The following TXK variants were observed in gnomAD, a reference collection of about 807,000 sequenced individuals.
TXK encodes tyrosine-protein kinase TXK.
Under a neutral mutation model 81.0 loss-of-function variants are expected in TXK, and 60 were observed. That is an observed-to-expected ratio of 0.74 (90% CI 0.60 to 0.92). The LOEUF is 0.92. Ranked by LOEUF, TXK falls within the 40% of genes least tolerant of loss-of-function variation. TXK has a pLI of 0.00. For synonymous variants in TXK, 203 were observed against 210.7 expected, an observed-to-expected ratio of 0.96 and a Z score of 0.32; for missense variants, 581 against 638.3, an observed-to-expected ratio of 0.91 and a Z score of 0.97.
intron 1 of TXK, among the ~76,000 whole-genome samples, chr4:48,122,654 A>G (rs1271946661): frequency 1.3e-5 from 2 of 152,198 alleles, no homozygotes; most frequent in African/African-American, 4.8e-5. Flanking sequence ...ATATCCCAAG[A>G]AGCTACAACA....
At chr4:48,110,968 C>T (rs759449909) in intron 4 of TXK, among the ~76,000 whole-genome samples, 8 of 152,180 alleles carry the variant, frequency 5.3e-5, no homozygotes, top group Non-Finnish European at 1.0e-4. Flanking sequence ...TATTCCATAG[C>T]ATAGGTATTC....
At position 48,071,589 on chromosome 4, in the gene TXK, T is replaced by C. The variant is rs907862802; in HGVS notation, c.1443A>G (p.Glu481=). The part of the protein sequence containing the change: ...SNLQVVEAIS[E]GFRLYRPHLA... ...GGTGAGGGCGATATAGCCTGAAGCC[T>C]TCAGAAATAGCTTCCACGACTTGCA... The change falls in exon 14 of 15, where the codon GAA becomes GAG. Residue 481 remains glutamate, a synonymous_variant. Coordinates refer to ENST00000264316, the MANE Select transcript of TXK (RefSeq NM_003328.3). 5.6e-6 allele frequency: 9 copies of C among 1,614,212 alleles called. No individual in the cohort carries two copies. The highest frequency in any genetic ancestry group is 7.6e-6 in the Non-Finnish European group (9 of 1,180,038).
At chr4:48,070,893 C>CTTTTTTTT (rs11309334) in intron 14 of TXK, among the ~76,000 whole-genome samples, 3 of 84,336 alleles carry the variant, frequency 3.6e-5, no homozygotes, top group African/African-American at 5.2e-5. Flanking sequence ...TCATTTAATT[C>CTTTTTTTT]TTTTTTTTTT....
chr4:48,127,951 C>T (rs998901532), intron 1 of TXK, among the ~76,000 whole-genome samples: 2 of 152,278 alleles, frequency 1.3e-5, no homozygotes, highest in Middle Eastern at 3.4e-3. Context: ...AGGTTTCCAC[C>T]AGGGGGCACT....
At chr4:48,102,657 T>C (rs888154227) in intron 6 of TXK, among the ~76,000 whole-genome samples, 7 of 152,240 alleles carry the variant, frequency 4.6e-5, no homozygotes, top group Admixed American at 3.9e-4. Context: ...ATGACATTTA[T>C]AAGAAAATTC....
chr4:48,080,210 T>C (rs531126151), intron 10 of TXK, 82 bp from the exon 11 acceptor site: 16 of 1,038,204 alleles, frequency 1.5e-5, no homozygotes, highest in Non-Finnish European at 2.2e-5. Context: ...GTATTTACCA[T>C]CTATTTATCA....
chr4:48,086,449 G>T lies in TXK; in HGVS notation c.956+17C>A. 6.2e-7 allele frequency: 1 copy of T among 1,612,996 alleles called. No homozygotes were observed. Among genetic ancestry groups the T allele is most frequent in the Non-Finnish European group, 8.5e-7 (1 of 1,179,144 alleles). The stretch of plus-strand genomic sequence containing the variant: ...AGGGCATGGTATGATATTTATCAGG[G>T]TGTTGTTTATACGTACATCATCACT... On this transcript the variant is annotated intron_variant, in intron 10 of 14. Transcript: ENST00000264316.
Position 48,081,715 on chromosome 4 carries a change from T to C in TXK, c.957-1587A>G, listed in dbSNP as rs6817839. Among the ~76,000 whole-genome samples, 945 of 152,254 alleles carry C rather than the reference T, an allele frequency of 6.2e-3. 11 individuals carry two copies. Among genetic ancestry groups the C allele is most frequent in the African/African-American group, 0.021 (884 of 41,554 alleles). ...TTAATACCCTCCACTCTGACCTTTT[T>C]CCTGAACCCCAGACTCATATATTTA... On this transcript the variant is annotated intron_variant, in intron 10 of 14. Coordinates refer to ENST00000264316, the MANE Select transcript of TXK (RefSeq NM_003328.3).
intron 1 of TXK, among the ~76,000 whole-genome samples, chr4:48,125,204 T>C (rs1174123896): frequency 6.6e-6 from 1 of 152,218 alleles, no homozygotes. Flanking sequence ...CCAGAGTCCA[T>C]GAGCATCACA....
rs777652719 is a variant in TXK at position 48,114,333 on chromosome 4, C to T, written c.71+15G>A. 1.1e-5 allele frequency: 17 copies of T among 1,613,424 alleles called. No individual in the cohort carries two copies. The South Asian group carries it at 1.3e-4, about 13-fold the overall frequency. On this transcript the variant is annotated intron_variant, in intron 2 of 14. Transcript: ENST00000264316. ...TAATTAATTTTCAAGAAATTGCCCTCGGAAGTAGACTTACCGCTTCTGCAC... is the reference window on the plus strand; with the variant it reads ...TAATTAATTTTCAAGAAATTGCCCTTGGAAGTAGACTTACCGCTTCTGCAC...
In TXK at chr4:48,112,485, T is replaced by C; in HGVS notation, c.202A>G (p.Lys68Glu). ...QSNTGRVQPS[K>E]RKPLPPLPPS... ...GGGAGGGGAGGCAGTGGCTTTCGTT[T>C]TGACGGCTGCACACGGCCCGTGTTG... The change falls in exon 4 of 15, where the codon AAA becomes GAA. Residue 68 changes from lysine (K) to glutamate (E), a missense_variant. By Grantham distance (56) the Lys-to-Glu change is moderately conservative. Coordinates refer to ENST00000264316, the MANE Select transcript of TXK (RefSeq NM_003328.3). 6.2e-7 allele frequency: 1 copy of C among 1,614,106 alleles called. No homozygotes were observed. Among genetic ancestry groups the C allele is most frequent in the Non-Finnish European group, 8.5e-7 (1 of 1,179,988 alleles).
intron 13 of TXK, among the ~76,000 whole-genome samples, chr4:48,072,761 C>T (rs954320085): frequency 5.9e-5 from 9 of 152,206 alleles, no homozygotes; most frequent in African/African-American, 1.9e-4. Context: ...TGGCAACCTT[C>T]GATGAGGTCG....
intron 1 of TXK, among the ~76,000 whole-genome samples, chr4:48,129,062 C>A (rs1269559177): frequency 6.6e-6 from 1 of 151,978 alleles, no homozygotes; most frequent in African/African-American, 2.4e-5. Context: ...GACACCAAAC[C>A]AAGACCCCAC....
intron 1 of TXK, among the ~76,000 whole-genome samples, chr4:48,126,863 C>T (rs1436044907): frequency 1.3e-5 from 2 of 152,160 alleles, no homozygotes; most frequent in Admixed American, 6.5e-5. Context: ...GTATCTGGGA[C>T]TAGAGAAATG....
At chr4:48,091,273 CT>C (rs1321457006) in intron 8 of TXK, among the ~76,000 whole-genome samples, 2 of 152,274 alleles carry the variant, frequency 1.3e-5, no homozygotes, top group East Asian at 3.9e-4. Flanking sequence ...GAAGGACTTT[CT>C]AAGCAGAGGT....
At chr4:48,132,944 T>TA (rs761044150) in intron 1 of TXK, among the ~76,000 whole-genome samples, 5,766 of 134,334 alleles carry the variant, frequency 0.043, 337 homozygotes, top group African/African-American at 0.14. Context: ...AGACTCTGTC[T>TA]AAAAAAAAAA....
intron 8 of TXK, among the ~76,000 whole-genome samples, chr4:48,091,354 G>C (rs1033865710): frequency 3.3e-5 from 5 of 152,290 alleles, no homozygotes; most frequent in Admixed American, 1.3e-4. Flanking sequence ...AGGAGGTAGA[G>C]CCAGACAAAT....
At chr4:48,082,198 C>T (rs1393620693) in intron 10 of TXK, among the ~76,000 whole-genome samples, 4 of 152,274 alleles carry the variant, frequency 2.6e-5, no homozygotes, top group South Asian at 4.2e-4. Flanking sequence ...AAGCCCCTAA[C>T]CATCTGAATG....
chr4:48,086,667 T>C (rs752278751), intron 9 of TXK, 30 bp from the exon 10 acceptor site: 3 of 1,597,702 alleles, frequency 1.9e-6, no homozygotes, highest in East Asian at 2.2e-5. Context: ...ATGTTACAAG[T>C]AGAAAGAAAG....
Sources: gnomAD v4.1 joint callset for allele counts (sites outside exome capture counted in the v4.1 genomes callset) on GRCh38, gnomAD v4.1.1 for gene constraint, MANE v1.5 for transcripts, NCBI Gene and HGNC (gene_info 2026-07-23, HGNC 2026-07-21) for gene names.